ANXA13: variants seen among roughly 807,000 people sequenced by gnomAD.
ANXA13 encodes annexin A13.
In ANXA13, 36 loss-of-function variants were observed where a neutral mutation model predicts 46.6. The ratio of observed to expected loss-of-function variants is 0.77; its 90% CI spans 0.59 to 1.02. The LOEUF is 1.02. Among genes scored for constraint, ANXA13 ranks in the 50% least tolerant of loss-of-function variants. The probability of loss-of-function intolerance (pLI) is 0.00; values close to 1 mark genes in which losing one functional copy is unlikely to be tolerated. For missense variants in ANXA13, 417 were observed against 396.5 expected (o/e 1.05, Z -0.44); for synonymous variants, 163 against 152.9 (o/e 1.07, Z -0.49).
At chr8:123,733,041 T>C (rs1024686561) in intron 1 of ANXA13, among the ~76,000 whole-genome samples, 1 of 152,102 alleles carries the variant, frequency 6.6e-6, no homozygotes, top group Non-Finnish European at 1.5e-5. Context: ...CACATGCCTG[T>C]AGTCCCACCT....
intron 1 of ANXA13, among the ~76,000 whole-genome samples, chr8:123,722,624 C>A (rs1813905803): frequency 6.6e-6 from 1 of 152,178 alleles, no homozygotes; most frequent in African/African-American, 2.4e-5. Context: ...GTAGGAGAGG[C>A]ACTATTGTCA....
intron 8 of ANXA13, 43 bp downstream of exon 8, chr8:123,693,154 A>G: frequency 1.9e-6 from 3 of 1,544,506 alleles, no homozygotes; most frequent in Non-Finnish European, 2.7e-6. Flanking sequence ...AACTTAAGAC[A>G]CTTTCAGAGT....
intron 1 of ANXA13, among the ~76,000 whole-genome samples, chr8:123,730,626 A>G (rs1007459217): frequency 3.3e-5 from 5 of 152,254 alleles, no homozygotes; most frequent in Non-Finnish European, 7.3e-5. Context: ...AAGGATCTCA[A>G]AATGAAATCA....
At chr8:123,712,883 G>C in intron 1 of ANXA13, 130 bp from the exon 2 acceptor site, 1 of 770,976 alleles carries the variant, frequency 1.3e-6, no homozygotes, top group South Asian at 1.5e-5. Context: ...TTCACACACT[G>C]GTACATGCGG....
At chr8:123,689,336 G>A (rs1813192545) in intron 8 of ANXA13, among the ~76,000 whole-genome samples, 2 of 150,418 alleles carry the variant, frequency 1.3e-5, no homozygotes, top group Non-Finnish European at 3.0e-5. Context: ...TAGTTCCCAT[G>A]TGTTCTTCAC....
At chr8:123,705,079 G>T (rs1424916843) in intron 2 of ANXA13, among the ~76,000 whole-genome samples, 9 of 152,150 alleles carry the variant, frequency 5.9e-5, no homozygotes, top group Admixed American at 3.3e-4. Context: ...TTGTCTCAGT[G>T]CATGGCATCA....
At chr8:123,704,686 C>T (rs1320751357) in intron 2 of ANXA13, among the ~76,000 whole-genome samples, 6 of 152,142 alleles carry the variant, frequency 3.9e-5, no homozygotes, top group South Asian at 2.1e-4. Context: ...CATGAGCCAC[C>T]GCACCCGGCC....
chr8:123,705,990 G>A (rs565406740), intron 2 of ANXA13, among the ~76,000 whole-genome samples: 8 of 152,314 alleles, frequency 5.3e-5, no homozygotes, highest in African/African-American at 1.7e-4. Flanking sequence ...AAACCTTTGG[G>A]TCCTTGAACC....
intron 10 of ANXA13, among the ~76,000 whole-genome samples, chr8:123,683,588 T>C (rs1305927037): frequency 7.4e-6 from 1 of 134,910 alleles, no homozygotes; most frequent in South Asian, 2.3e-4. Context: ...TGTGACCTTT[T>C]TTTTTTTTTT....
At position 123,680,940 on chromosome 8, in the gene ANXA13, GT is replaced by G. The variant is rs1813023158; in HGVS notation, c.*299del. On this transcript the variant is annotated 3_prime_UTR_variant, in exon 11 of 11. Transcript: ENST00000419625. ...CTAAATGTGCCATTACAAATGCATAGTTTTTTCATCAACTGCTGATTTCATT... is the reference window on the plus strand; with the variant it reads ...CTAAATGTGCCATTACAAATGCATAGTTTTTCATCAACTGCTGATTTCATT... The G allele has an allele frequency of 7.0e-6, 2 of 285,310 alleles. No homozygotes were observed. The highest frequency in any genetic ancestry group is 2.2e-4 in the South Asian group (2 of 9,234). 17.7% of individuals were successfully genotyped at this position (285,310 alleles called of 1,614,324 possible). A position where few individuals can be genotyped will look rare whatever the true frequency, so the allele number is the denominator to read the frequency against.
chr8:123,728,559 T>A (rs1346558865), intron 1 of ANXA13: 1 of 151,966 alleles, frequency 6.6e-6, no homozygotes, highest in African/African-American at 2.4e-5. Context: ...TCCTCAAGAG[T>A]CAATGATAAG....
intron 3 of ANXA13, 89 bp downstream of exon 3, chr8:123,702,553 A>G: frequency 9.8e-7 from 1 of 1,018,944 alleles, no homozygotes; most frequent in East Asian, 2.4e-5. Context: ...AAAGCTATAA[A>G]GATATTCTGC....
In ANXA13 at chr8:123,693,705, A is replaced by G. The variant is rs1207971494; in HGVS notation, c.540+6T>C. The G allele has an allele frequency of 1.2e-6, 2 of 1,611,438 alleles. No homozygotes were observed. On this transcript the variant is annotated splice_donor_region_variant and intron_variant, in intron 7 of 10. Coordinates refer to ENST00000419625, the MANE Select transcript of ANXA13 (RefSeq NM_004306.4). ...TTTGCAGAGACTGGCATGTCTGCACACATACATCATACAGATCTTTGGCAT... is the reference window on the plus strand; with the variant it reads ...TTTGCAGAGACTGGCATGTCTGCACGCATACATCATACAGATCTTTGGCAT...
intron 1 of ANXA13, among the ~76,000 whole-genome samples, chr8:123,733,657 G>A (rs532616417): frequency 1.1e-4 from 17 of 152,218 alleles, no homozygotes; most frequent in Non-Finnish European, 2.2e-4. Context: ...TTAGGAGCAT[G>A]TGCAATGACC....
chr8:123,688,269 G>A (rs918251657), intron 9 of ANXA13, among the ~76,000 whole-genome samples: 4 of 152,172 alleles, frequency 2.6e-5, no homozygotes, highest in Non-Finnish European at 5.9e-5. Context: ...GATTTTATAA[G>A]GGGTTTCCTC....
At chr8:123,681,481 AG>A (rs1813036683) in intron 10 of ANXA13, 122 bp from the exon 11 acceptor site, 3 of 926,992 alleles carry the variant, frequency 3.2e-6, no homozygotes, top group Admixed American at 2.6e-5. Flanking sequence ...CCCTTGAGAT[AG>A]GGCTTTATTT....
chr8:123,728,363 G>C (rs1586341591), intron 1 of ANXA13: 1 of 152,168 alleles, frequency 6.6e-6, no homozygotes, highest in Admixed American at 6.5e-5. Flanking sequence ...GGAGATGATG[G>C]ATATTTCTCA....
intron 1 of ANXA13, among the ~76,000 whole-genome samples, chr8:123,715,040 C>T (rs186640926): frequency 6.6e-6 from 1 of 152,340 alleles, no homozygotes; most frequent in East Asian, 1.9e-4. Flanking sequence ...GGTCGGATGA[C>T]TCTGGAGTTG....
At chr8:123,734,371 C>T (rs1246863479) in intron 1 of ANXA13, among the ~76,000 whole-genome samples, 2 of 152,152 alleles carry the variant, frequency 1.3e-5, no homozygotes, top group Non-Finnish European at 2.9e-5. Context: ...TCTCTGTGTA[C>T]ACTCTACCTG....
Sources: allele counts gnomAD v4.1 joint callset (sites outside exome capture counted in the v4.1 genomes callset), GRCh38; gene constraint gnomAD v4.1.1; transcripts MANE v1.5; gene names NCBI Gene and HGNC (gene_info 2026-07-23, HGNC 2026-07-21).